Variants in CHCHD3 observed in about 807,000 individuals in gnomAD.
CHCHD3 encodes coiled-coil-helix-coiled-coil-helix domain containing 3.
In CHCHD3, 20 loss-of-function variants were observed where a neutral mutation model predicts 38.2. The observed-to-expected ratio is 0.52, with a 90% CI of 0.37 to 0.76. CHCHD3 has a LOEUF of 0.76. Among genes scored for constraint, CHCHD3 ranks in the 30% least tolerant of loss-of-function variants. The pLI, the probability that CHCHD3 is intolerant of heterozygous loss-of-function variation, is 0.00. For synonymous variants in CHCHD3, 82 were observed against 100.0 expected (o/e 0.82, Z 1.07); for missense variants, 245 against 279.2 (o/e 0.88, Z 0.87).
At chr7:132,976,272 C>T (rs1309097353) in intron 3 of CHCHD3, among the ~76,000 whole-genome samples, 1 of 152,194 alleles carries the variant, frequency 6.6e-6, no homozygotes, top group Non-Finnish European at 1.5e-5. Flanking sequence ...AAACCTAACC[C>T]TCCAGACATG....
intron 3 of CHCHD3, among the ~76,000 whole-genome samples, chr7:133,010,300 T>C (rs1812828913): frequency 6.6e-6 from 1 of 151,980 alleles, no homozygotes; most frequent in African/African-American, 2.4e-5. Flanking sequence ...AGCATCATCT[T>C]ATAGGCCACA....
At chr7:132,865,427 A>G (rs1188807944) in intron 5 of CHCHD3, among the ~76,000 whole-genome samples, 1 of 152,210 alleles carries the variant, frequency 6.6e-6, no homozygotes, top group Non-Finnish European at 1.5e-5. Context: ...CTGGGGACTC[A>G]GTGCAAAGAT....
rs928770018 is a variant in CHCHD3, at chr7:132,784,883, A to G, written c.*754T>C. The stretch of plus-strand genomic sequence containing the variant: ...ACAATGCCAGTCTTTGTCAGAAAAT[A>G]TATTTATTATTGATAGTGAGTGAAG... On this transcript the variant is annotated 3_prime_UTR_variant, in exon 8 of 8. Coordinates refer to ENST00000262570, the MANE Select transcript of CHCHD3 (RefSeq NM_017812.4). 2 of 152,656 alleles carry G rather than the reference A, an allele frequency of 1.3e-5. No individual in the cohort carries two copies. Among genetic ancestry groups the G allele is most frequent in the Admixed American group, 6.5e-5 (1 of 15,290 alleles). The allele number at this position is 152,656 out of a possible 1,614,324, so 9.5% of individuals were successfully genotyped here. A position where few individuals can be genotyped will look rare whatever the true frequency, so the allele number is the denominator to read the frequency against.
intron 2 of CHCHD3, among the ~76,000 whole-genome samples, chr7:133,038,833 T>C (rs150394682): frequency 6.6e-6 from 1 of 152,390 alleles, no homozygotes; most frequent in African/African-American, 2.4e-5. Context: ...AATCACTCTA[T>C]AAATTGTCCA....
At chr7:133,002,761 C>T (rs775448043) in intron 3 of CHCHD3, among the ~76,000 whole-genome samples, 1 of 152,132 alleles carries the variant, frequency 6.6e-6, no homozygotes, top group Non-Finnish European at 1.5e-5. Flanking sequence ...AGAACCCTTA[C>T]TAAAATTGCT....
At chr7:132,949,933 C>G (rs2117285454) in intron 4 of CHCHD3, among the ~76,000 whole-genome samples, 1 of 152,234 alleles carries the variant, frequency 6.6e-6, no homozygotes, top group African/African-American at 2.4e-5. Context: ...CAATGGTCAG[C>G]TGTATAAACC....
intron 3 of CHCHD3, among the ~76,000 whole-genome samples, chr7:132,984,988 C>G (rs1812056896): frequency 1.4e-5 from 1 of 73,428 alleles, no homozygotes; most frequent in Non-Finnish European, 2.8e-5. Context: ...AGTGAGGAGT[C>G]CCTCTGCCCG....
At chr7:132,985,624 A>C (rs1584622202) in intron 3 of CHCHD3, among the ~76,000 whole-genome samples, 1 of 65,084 alleles carries the variant, frequency 1.5e-5, no homozygotes, top group Non-Finnish European at 3.1e-5. Flanking sequence ...GGCCGCCCCT[A>C]CTGGGAAGAG....
At chr7:132,821,912 G>A (rs1258525726) in intron 6 of CHCHD3, among the ~76,000 whole-genome samples, 1 of 151,796 alleles carries the variant, frequency 6.6e-6, no homozygotes, top group African/African-American at 2.4e-5. Context: ...ACAGGCGCCC[G>A]CCACCGCGCC....
chr7:132,973,649 C>A, intron 4 of CHCHD3: 1 of 1,020,836 alleles, frequency 9.8e-7, no homozygotes, highest in Non-Finnish European at 1.2e-6. Flanking sequence ...CCCATGCAAC[C>A]GGGACCCCAG....
chr7:132,912,926 C>T (rs1343335638), intron 4 of CHCHD3, among the ~76,000 whole-genome samples: 5 of 152,162 alleles, frequency 3.3e-5, no homozygotes, highest in African/African-American at 1.2e-4. Context: ...ATGTAAAGTG[C>T]TTAAATTTTC....
chr7:132,913,786 G>A (rs1335447128), intron 4 of CHCHD3, among the ~76,000 whole-genome samples: 9 of 152,132 alleles, frequency 5.9e-5, no homozygotes. Context: ...AAGATAGACT[G>A]AAGAGACTGA....
intron 5 of CHCHD3, among the ~76,000 whole-genome samples, chr7:132,841,631 G>A (rs1807942416): frequency 6.6e-6 from 1 of 152,152 alleles, no homozygotes; most frequent in Admixed American, 6.5e-5. Flanking sequence ...TAATGAACAA[G>A]AATAGTAAAC....
intron 4 of CHCHD3, among the ~76,000 whole-genome samples, chr7:132,947,976 G>A (rs1365203163): frequency 6.6e-6 from 1 of 151,982 alleles, no homozygotes; most frequent in Non-Finnish European, 1.5e-5. Context: ...ACAGTCAGTT[G>A]AAAGACACAA....
chr7:132,955,547 T>TTG (rs1041797101), intron 4 of CHCHD3, among the ~76,000 whole-genome samples: 2 of 151,906 alleles, frequency 1.3e-5, no homozygotes, highest in African/African-American at 4.8e-5. Flanking sequence ...TTTTTGTTTT[T>TTG]TTTTTTTAAT....
intron 4 of CHCHD3, among the ~76,000 whole-genome samples, chr7:132,971,617 A>C (rs1811613924): frequency 6.6e-6 from 1 of 152,106 alleles, no homozygotes; most frequent in Non-Finnish European, 1.5e-5. Context: ...AGTGAGCCAG[A>C]AAGATGTGGG....
At chr7:133,025,247 G>A (rs527853927) in intron 2 of CHCHD3, among the ~76,000 whole-genome samples, 4 of 152,300 alleles carry the variant, frequency 2.6e-5, no homozygotes, top group African/African-American at 9.6e-5. Flanking sequence ...TAAATACCTG[G>A]TGACTGGATT....
intron 1 of CHCHD3, among the ~76,000 whole-genome samples, chr7:133,073,512 C>T (rs75369386): frequency 6.6e-6 from 1 of 152,120 alleles, no homozygotes; most frequent in African/African-American, 2.4e-5. Flanking sequence ...ATTGATCTCA[C>T]GTTTGCCGCA....
intron 6 of CHCHD3, among the ~76,000 whole-genome samples, chr7:132,800,950 AAC>A (rs1806777416): frequency 6.6e-6 from 1 of 152,194 alleles, no homozygotes; most frequent in African/African-American, 2.4e-5. Flanking sequence ...GCCGACACAC[AAC>A]ACAGTCAGGG....
Sources: gnomAD v4.1 joint callset for allele counts (sites outside exome capture counted in the v4.1 genomes callset) on GRCh38, gnomAD v4.1.1 for gene constraint, MANE v1.5 for transcripts, NCBI Gene and HGNC (gene_info 2026-07-23, HGNC 2026-07-21) for gene names.